RASAL2: variants seen among roughly 807,000 people sequenced by gnomAD.
RASAL2 encodes RAS protein activator like 2, also known as ras GTPase-activating protein nGAP.
RASAL2 carries 58 observed loss-of-function variants against 128.9 expected under a neutral mutation model. That is an observed-to-expected ratio of 0.45 (90% confidence interval 0.36 to 0.56). The LOEUF is 0.56. Among genes scored for constraint, RASAL2 ranks in the 20% least tolerant of loss-of-function variants. The pLI, the probability that RASAL2 is intolerant of heterozygous loss-of-function variation, is 0.00. For synonymous variants in RASAL2, 561 were observed against 580.8 expected (o/e 0.97, Z 0.49); for missense variants, 1,360 against 1,601.6 (o/e 0.85, Z 2.57).
intron 3 of RASAL2, among the ~76,000 whole-genome samples, chr1:178,360,147 A>T (rs1033535487): frequency 6.6e-6 from 1 of 152,166 alleles, no homozygotes. Flanking sequence ...TTTATCTCAT[A>T]TCCTATTTAA....
chr1:178,385,113 A>G (rs960256731), intron 3 of RASAL2, among the ~76,000 whole-genome samples: 1 of 152,226 alleles, frequency 6.6e-6, no homozygotes, highest in Non-Finnish European at 1.5e-5. Flanking sequence ...CAAACATAAT[A>G]ACATTCCAGA....
At chr1:178,139,298 G>T (rs1660445597) in intron 1 of RASAL2, among the ~76,000 whole-genome samples, 1 of 151,856 alleles carries the variant, frequency 6.6e-6, no homozygotes, top group Non-Finnish European at 1.5e-5. Context: ...CCATATTTGT[G>T]AAAAATGGAG....
At chr1:178,416,048 G>A (rs137884390) in intron 4 of RASAL2, among the ~76,000 whole-genome samples, 1 of 152,084 alleles carries the variant, frequency 6.6e-6, no homozygotes, top group East Asian at 1.9e-4. Flanking sequence ...GACTATTGAC[G>A]TTCGAAGTGA....
chr1:178,189,386 A>T (rs1051014481), intron 1 of RASAL2, among the ~76,000 whole-genome samples: 1 of 152,196 alleles, frequency 6.6e-6, no homozygotes, highest in Admixed American at 6.5e-5. Context: ...CAAGTACCAG[A>T]TACAGGAGAA....
chr1:178,305,644 A>C (rs1379364800), intron 3 of RASAL2, among the ~76,000 whole-genome samples: 2 of 152,178 alleles, frequency 1.3e-5, no homozygotes, highest in Non-Finnish European at 1.5e-5. Flanking sequence ...AGTGTGATTG[A>C]CCAGCAGCTC....
In RASAL2 at chr1:178,247,543, A is replaced by G. The variant is rs111815827; in HGVS notation, c.203-36021A>G. On this transcript the variant is annotated intron_variant, in intron 1 of 17. Transcript: ENST00000367649. ...AGCTCCTGGATTCATTTATTTTTTG[A>G]AGAGTTTTTCGTGTCTCTATCTCCT... is the stretch of plus-strand genomic sequence containing the variant. 2.0e-5 allele frequency among the ~76,000 whole-genome samples: 3 copies of G among 151,998 alleles called. No homozygotes were observed. The South Asian group carries it at 6.2e-4, about 32-fold the overall frequency.
chr1:178,096,565 G>A (rs1658695255), intron 1 of RASAL2, among the ~76,000 whole-genome samples: 1 of 151,380 alleles, frequency 6.6e-6, no homozygotes, highest in African/African-American at 2.4e-5. Flanking sequence ...TATGTTTATT[G>A]TTCAAGAGTG....
intron 1 of RASAL2, among the ~76,000 whole-genome samples, chr1:178,262,408 C>T (rs1158870358): frequency 6.6e-6 from 1 of 152,216 alleles, no homozygotes; most frequent in Non-Finnish European, 1.5e-5. Flanking sequence ...GGAAAAGCAA[C>T]TGAATGCCCA....
intron 1 of RASAL2, among the ~76,000 whole-genome samples, chr1:178,212,617 G>A (rs1463963850): frequency 6.6e-6 from 1 of 151,854 alleles, no homozygotes; most frequent in Admixed American, 6.6e-5. Context: ...TCAGCCTCCC[G>A]AGTAGGTGGG....
At chr1:178,252,364 G>C (rs1665094590) in intron 1 of RASAL2, among the ~76,000 whole-genome samples, 1 of 152,018 alleles carries the variant, frequency 6.6e-6, no homozygotes, top group Non-Finnish European at 1.5e-5. Flanking sequence ...GTTGGAATAG[G>C]AGGAGATGTA....
chr1:178,348,283 TTTTTTC>T (rs1252254613), intron 3 of RASAL2, among the ~76,000 whole-genome samples: 1 of 152,150 alleles, frequency 6.6e-6, no homozygotes, highest in African/African-American at 2.4e-5. Flanking sequence ...TACACTGCTC[TTTTTTC>T]TTTTTCTTTT....
intron 3 of RASAL2, among the ~76,000 whole-genome samples, chr1:178,323,678 G>A (rs550827021): frequency 6.7e-6 from 1 of 149,740 alleles, no homozygotes; most frequent in African/African-American, 2.5e-5. Context: ...AGATATTTGT[G>A]TTTATTTTTA....
At chr1:178,212,449 TAAAC>T (rs1306143051) in intron 1 of RASAL2, among the ~76,000 whole-genome samples, 5 of 152,194 alleles carry the variant, frequency 3.3e-5, no homozygotes, top group African/African-American at 1.2e-4. Context: ...GGCAGTATAA[TAAAC>T]AACGCGAAGG....
At chr1:178,371,322 C>CCACACACACACACACACACACACACACA (rs370972772) in intron 3 of RASAL2, among the ~76,000 whole-genome samples, 7 of 124,476 alleles carry the variant, frequency 5.6e-5, no homozygotes, top group African/African-American at 1.7e-4. Context: ...GCCTTCTTTC[C>CCACACACACACACACACACACACACACA]CACACACACA....
chr1:178,360,449 G>A (rs1671046913), intron 3 of RASAL2, among the ~76,000 whole-genome samples: 1 of 152,210 alleles, frequency 6.6e-6, no homozygotes, highest in African/African-American at 2.4e-5. Flanking sequence ...AAACTCTTCA[G>A]AGGGGCCCAT....
chr1:178,439,286 G>A (rs1327389994), intron 5 of RASAL2, 136 bp from the exon 6 acceptor site: 2 of 719,620 alleles, frequency 2.8e-6, no homozygotes, highest in African/African-American at 1.8e-5. Flanking sequence ...TGTTACTGTA[G>A]ATTAACTATT....
In RASAL2 at chr1:178,454,580, A is replaced by C. The variant is rs757305588; in HGVS notation, c.2143A>C (p.Ile715Leu). 1 of 1,613,968 alleles carries C rather than the reference A, an allele frequency of 6.2e-7. No homozygotes were observed. The highest frequency in any genetic ancestry group is 2.2e-5 in the East Asian group (1 of 44,862). ...ISNTPGFDGY[I>L]DLGRELSVLH... ...AAACACCCCAGGCTTTGATGGTTAC[A>C]TTGATCTGGGCCGAGAGCTTTCAGT... is the stretch of plus-strand genomic sequence containing the variant. Residue 715 changes from isoleucine (I) to leucine (L), a missense_variant, in exon 12 of 18, where the codon ATT becomes CTT. By Grantham distance (5) the Ile-to-Leu change is conservative (BLOSUM62 2). Coordinates refer to ENST00000367649, the MANE Select transcript of RASAL2 (RefSeq NM_170692.4).
intron 1 of RASAL2, among the ~76,000 whole-genome samples, chr1:178,251,364 G>A (rs1665049508): frequency 2.0e-5 from 3 of 152,146 alleles, no homozygotes; most frequent in African/African-American, 4.8e-5. Flanking sequence ...CTGTATATGT[G>A]CAATGTGGGA....
At chr1:178,201,451 G>T (rs1238975319) in intron 1 of RASAL2, among the ~76,000 whole-genome samples, 1 of 152,202 alleles carries the variant, frequency 6.6e-6, no homozygotes, top group Non-Finnish European at 1.5e-5. Context: ...GAGTCCAGAA[G>T]CTATACCCTT....
Sources: gnomAD v4.1 joint callset for allele counts (sites outside exome capture counted in the v4.1 genomes callset) on GRCh38, gnomAD v4.1.1 for gene constraint, MANE v1.5 for transcripts, NCBI Gene and HGNC (gene_info 2026-07-23, HGNC 2026-07-21) for gene names.